Variants in ACO1 observed in about 807,000 individuals in gnomAD.
The protein encoded by ACO1 is cytoplasmic aconitate hydratase.
In ACO1, 78 loss-of-function variants were observed where a neutral mutation model predicts 105.1. The ratio of observed to expected loss-of-function variants is 0.74; its 90% CI spans 0.62 to 0.90. The LOEUF is 0.90. Among genes scored for constraint, ACO1 ranks in the 40% least tolerant of loss-of-function variants. The pLI is 0.00. For synonymous variants in ACO1, 364 were observed against 397.4 expected (o/e 0.92, Z 1.00); for missense variants, 965 against 1,111.1 (o/e 0.87, Z 1.87).
intron 1 of ACO1, among the ~76,000 whole-genome samples, chr9:32,392,992 G>A (rs1465465791): frequency 1.3e-5 from 2 of 152,112 alleles, no homozygotes; most frequent in African/African-American, 4.8e-5. Flanking sequence ...CATAAGCTGA[G>A]GAGGATGTAT....
intron 1 of ACO1, among the ~76,000 whole-genome samples, chr9:32,390,453 A>G (rs1241491860): frequency 2.0e-5 from 3 of 152,090 alleles, no homozygotes; most frequent in African/African-American, 4.8e-5. Flanking sequence ...CCCTCATCCT[A>G]TTGTATTTGT....
chr9:32,386,068 C>T (rs75307457), intron 1 of ACO1, among the ~76,000 whole-genome samples: 3,816 of 152,306 alleles, frequency 0.025, 61 homozygotes, highest in Non-Finnish European at 0.026. Flanking sequence ...AGGCTTCGCA[C>T]ATGCCTTTGG....
Position 32,453,184 on chromosome 9 carries a change from C to T in ACO1, c.*3073C>T, listed in dbSNP as rs975400008. On this transcript the variant is annotated 3_prime_UTR_variant, in exon 21 of 21. Coordinates refer to ENST00000309951, the MANE Select transcript of ACO1 (RefSeq NM_002197.3). ...AATTCATTACTGCATTCCTGGCATC[C>T]GCAGCAAGCTAAGAGTTAGTTAATA... 2 of 152,036 alleles carry T rather than the reference C, an allele frequency of 1.3e-5. No individual in the cohort carries two copies. Among genetic ancestry groups the T allele is most frequent in the African/African-American group, 4.8e-5 (2 of 41,436 alleles). 9.4% of individuals were successfully genotyped at this position (152,036 alleles called of 1,614,324 possible). A position where few individuals can be genotyped will look rare whatever the true frequency, so the allele number is the denominator to read the frequency against.
Position 32,425,992 on chromosome 9 carries a change from G to C in ACO1, c.1343G>C (p.Gly448Ala), listed in dbSNP as rs1391460624. 7.4e-6 allele frequency: 12 copies of C among 1,613,154 alleles called. No individual in the cohort carries two copies. The South Asian group carries it at 1.2e-4, about 16-fold the overall frequency. The change falls in exon 11 of 21, where the codon GGG (glycine) becomes GCG (alanine). Residue 448 changes from glycine (G) to alanine (A), a missense_variant. Physicochemically the swap from Gly to Ala is moderately conservative, Grantham distance 60 (BLOSUM62 0). Transcript: ENST00000309951. ...ACCAGTAATCCGTCTGTGATGTTAGGGGCAGGTAAGTGCATTTGACTCCAT... is the reference window on the plus strand; with the variant it reads ...ACCAGTAATCCGTCTGTGATGTTAGCGGCAGGTAAGTGCATTTGACTCCAT... ...TNTSNPSVML[G>A]AGLLAKKAVD...
chr9:32,442,742 A>G (rs1822510372), intron 19 of ACO1, among the ~76,000 whole-genome samples: 1 of 152,198 alleles, frequency 6.6e-6, no homozygotes, highest in African/African-American at 2.4e-5. Flanking sequence ...TTGTTTTGTG[A>G]TGTGGATTCC....
rs547083138 is a variant in ACO1 at position 32,402,134 on chromosome 9, T to A, written c.-22-3351T>A. On this transcript the variant is annotated intron_variant, in intron 1 of 20. Transcript: ENST00000309951. ...ACAAGCGTCCCGGAGGGACAAGTTCTGAATAATTGCTCCCACCTTGTACCT... is the reference window on the plus strand; with the variant it reads ...ACAAGCGTCCCGGAGGGACAAGTTCAGAATAATTGCTCCCACCTTGTACCT... Among the ~76,000 whole-genome samples, 60 of 152,382 alleles carry A rather than the reference T, an allele frequency of 3.9e-4. No individual in the cohort carries two copies. The South Asian group carries it at 0.011, about 28-fold the overall frequency.
intron 10 of ACO1, 115 bp from the exon 11 acceptor site, chr9:32,425,723 T>C (rs540807920): frequency 1.5e-6 from 1 of 649,516 alleles, no homozygotes; most frequent in South Asian, 3.1e-5. Flanking sequence ...TACCAAAGTA[T>C]TCCTTCTTCT....
intron 1 of ACO1, among the ~76,000 whole-genome samples, chr9:32,393,002 T>C (rs1202030779): frequency 6.6e-6 from 1 of 152,192 alleles, no homozygotes; most frequent in East Asian, 1.9e-4. Context: ...GGAGGATGTA[T>C]GTCACCTCAG....
intron 15 of ACO1, among the ~76,000 whole-genome samples, chr9:32,433,392 C>T (rs1822283235): frequency 6.6e-6 from 1 of 151,968 alleles, no homozygotes; most frequent in Middle Eastern, 3.4e-3. Flanking sequence ...TGCCACCACA[C>T]CCAGACAATT....
At chr9:32,418,948 T>A (rs962178784) in intron 6 of ACO1, 90 bp from the exon 7 acceptor site, 20 of 1,400,034 alleles carry the variant, frequency 1.4e-5, no homozygotes, top group Admixed American at 1.3e-4. Flanking sequence ...TGTAACTGGG[T>A]TTATTACCTG....
chr9:32,404,427 G>A (rs1231743741), intron 1 of ACO1, among the ~76,000 whole-genome samples: 1 of 151,206 alleles, frequency 6.6e-6, no homozygotes, highest in Non-Finnish European at 1.5e-5. Flanking sequence ...GTTTGGTTTT[G>A]CCATCATGCC....
At chr9:32,432,568 G>A (rs1003217988) in intron 15 of ACO1, among the ~76,000 whole-genome samples, 6 of 152,130 alleles carry the variant, frequency 3.9e-5, no homozygotes, top group Non-Finnish European at 8.8e-5. Context: ...TCCAAAGGCC[G>A]AGTTAATGGA....
intron 11 of ACO1, 84 bp from the exon 12 acceptor site, chr9:32,427,217 A>G: frequency 6.5e-7 from 1 of 1,536,074 alleles, no homozygotes; most frequent in Non-Finnish European, 8.8e-7. Context: ...TGCAGACTGA[A>G]GAAAATCAGG....
chr9:32,424,841 C>G (rs1031631293), intron 10 of ACO1, among the ~76,000 whole-genome samples, 176 bp downstream of exon 10: 11 of 152,228 alleles, frequency 7.2e-5, no homozygotes, highest in Admixed American at 3.3e-4. Context: ...AGCCAAGCGG[C>G]AAGAGCCATC....
rs199640569 is a variant in ACO1 at position 32,449,002 on chromosome 9, C to A, written c.2477C>A (p.Ala826Asp). 3 of 1,614,112 alleles carry A rather than the reference C, an allele frequency of 1.9e-6. No homozygotes were observed. In the East Asian group the frequency reaches 6.7e-5, roughly 36 times the overall value. ...LEYLPGENADALGLTGQERYT... is the reference protein window; with the variant it reads ...LEYLPGENADDLGLTGQERYT... ...TATCTCCCTGGTGAGAATGCAGATG[C>A]CCTGGGGCTCACAGGGCAAGAACGA... The change falls in exon 20 of 21, where the codon GCC becomes GAC. Residue 826 changes from alanine to aspartate, a missense_variant. Ala to Asp is a moderately radical substitution (Grantham distance 126). Transcript: ENST00000309951.
At chr9:32,394,707 C>T (rs968119045) in intron 1 of ACO1, among the ~76,000 whole-genome samples, 3 of 152,222 alleles carry the variant, frequency 2.0e-5, no homozygotes, top group African/African-American at 7.2e-5. Flanking sequence ...TTCTAACATC[C>T]TTCTATCCTG....
At chr9:32,402,739 T>G (rs578177346) in intron 1 of ACO1, among the ~76,000 whole-genome samples, 89 of 152,348 alleles carry the variant, frequency 5.8e-4, no homozygotes, top group Non-Finnish European at 1.1e-3. Flanking sequence ...CACACCTCTT[T>G]GAAACATGAT....
At chr9:32,422,658 G>A (rs116732720) in intron 8 of ACO1, among the ~76,000 whole-genome samples, 8 of 152,154 alleles carry the variant, frequency 5.3e-5, no homozygotes, top group Non-Finnish European at 1.2e-4. Flanking sequence ...ATGCAGCATC[G>A]TGAGTTAAGA....
At chr9:32,436,014 CAATT>C (rs1305606760) in intron 17 of ACO1, 1 of 666,760 alleles carries the variant, frequency 1.5e-6, no homozygotes. Flanking sequence ...ATTTGAAAGA[CAATT>C]AACCCAGGAG....
Sources: gnomAD v4.1 joint callset for allele counts (sites outside exome capture counted in the v4.1 genomes callset) on GRCh38, gnomAD v4.1.1 for gene constraint, MANE v1.5 for transcripts, NCBI Gene and HGNC (gene_info 2026-07-23, HGNC 2026-07-21) for gene names.